The following COL19A1 variants were observed in gnomAD, a reference collection of about 807,000 sequenced individuals.
The protein encoded by COL19A1 is collagen type XIX alpha 1 chain.
COL19A1 carries 159 observed loss-of-function variants against 190.2 expected under a neutral mutation model. The observed-to-expected ratio is 0.84, with a 90% CI of 0.73 to 0.95. COL19A1 has a LOEUF of 0.95. Ranked by LOEUF, COL19A1 falls within the 40% of genes least tolerant of loss-of-function variation. The pLI is 0.00. For synonymous variants in COL19A1, 509 were observed against 458.9 expected (o/e 1.11, Z -1.39); for missense variants, 1,418 against 1,431.9 (o/e 0.99, Z 0.16).
chr6:70,074,757 C>T (rs1781779019), intron 15 of COL19A1, among the ~76,000 whole-genome samples: 1 of 152,082 alleles, frequency 6.6e-6, no homozygotes, highest in African/African-American at 2.4e-5. Context: ...CACATTATAA[C>T]AGGTGATATG....
chr6:70,154,673 A>T (rs1787326110), intron 31 of COL19A1, among the ~76,000 whole-genome samples: 1 of 152,212 alleles, frequency 6.6e-6, no homozygotes, highest in Non-Finnish European at 1.5e-5. Flanking sequence ...CCAGTAGCAG[A>T]TCAGTCCAAG....
chr6:69,929,155 T>TACACACACACACACACAC (rs141935825), intron 5 of COL19A1, among the ~76,000 whole-genome samples: 2 of 148,554 alleles, frequency 1.3e-5, no homozygotes, highest in East Asian at 2.0e-4. Flanking sequence ...TTAAAATAAC[T>TACACACACACACACACAC]ACACACACAC....
chr6:70,062,343 A>C (rs567467885), intron 14 of COL19A1, among the ~76,000 whole-genome samples: 6 of 152,248 alleles, frequency 3.9e-5, no homozygotes, highest in African/African-American at 1.4e-4. Context: ...TTACTTTTTT[A>C]TTCAAAATAA....
At chr6:69,997,528 C>T (rs1159470428) in intron 11 of COL19A1, among the ~76,000 whole-genome samples, 2 of 152,096 alleles carry the variant, frequency 1.3e-5, no homozygotes, top group African/African-American at 4.8e-5. Flanking sequence ...TACTCAATCT[C>T]AGTAGAGAAA....
chr6:70,033,084 C>T (rs780262398), intron 12 of COL19A1, among the ~76,000 whole-genome samples: 2 of 152,030 alleles, frequency 1.3e-5, no homozygotes, highest in Non-Finnish European at 2.9e-5. Flanking sequence ...GAGTTTTATA[C>T]GTGAAGGCAT....
chr6:70,081,103 C>T (rs1885338), intron 15 of COL19A1, among the ~76,000 whole-genome samples: 15,752 of 151,996 alleles, frequency 0.1, 1,062 homozygotes, highest in African/African-American at 0.2. Context: ...GACCTGAGTG[C>T]GTCTAATATA....
At chr6:70,000,711 G>GCACTT (rs1164853840) in intron 11 of COL19A1, among the ~76,000 whole-genome samples, 3 of 151,966 alleles carry the variant, frequency 2.0e-5, no homozygotes, top group African/African-American at 7.3e-5. Flanking sequence ...TTTTTGATGG[G>GCACTT]GTTGTTTGCT....
chr6:69,938,767 A>G (rs898691069), intron 9 of COL19A1, among the ~76,000 whole-genome samples: 1 of 152,060 alleles, frequency 6.6e-6, no homozygotes, highest in Non-Finnish European at 1.5e-5. Flanking sequence ...TCTAGGCTAT[A>G]TCCCATGCTT....
chr6:69,954,165 C>G (rs1266983330), intron 9 of COL19A1, among the ~76,000 whole-genome samples: 1 of 151,996 alleles, frequency 6.6e-6, no homozygotes, highest in Non-Finnish European at 1.5e-5. Context: ...AAAACACATG[C>G]ATTTTTTTCA....
At chr6:70,027,140 A>G (rs764330709) in intron 12 of COL19A1, among the ~76,000 whole-genome samples, 3 of 152,220 alleles carry the variant, frequency 2.0e-5, no homozygotes, top group African/African-American at 4.8e-5. Context: ...AAATAAACTC[A>G]GTGAGCCAGG....
chr6:69,946,443 C>A (rs1773809685), intron 9 of COL19A1, among the ~76,000 whole-genome samples: 1 of 152,074 alleles, frequency 6.6e-6, no homozygotes. Context: ...TTAGACTACT[C>A]AAAATTTGGT....
chr6:70,161,367 C>T (rs1017152184), intron 34 of COL19A1, among the ~76,000 whole-genome samples: 2 of 152,230 alleles, frequency 1.3e-5, no homozygotes, highest in African/African-American at 2.4e-5. Flanking sequence ...CTACTGCTGA[C>T]GGAGTGGCCC....
At position 69,921,523 on chromosome 6, in the gene COL19A1, T is replaced by TGTATATTC. The variant is rs1561998892; in HGVS notation, c.267-6386_267-6385insGTATATTC. Among the ~76,000 whole-genome samples, 44 of 124,000 alleles carry TGTATATTC rather than the reference T, an allele frequency of 3.5e-4. 1 individual carries two copies. Among genetic ancestry groups the TGTATATTC allele is most frequent in the African/African-American group, 1.1e-3 (37 of 34,528 alleles). 81.3% of individuals were successfully genotyped at this position (124,000 alleles called of 152,430 possible). ...TCATATATATTCATATGTATATTCATATATATTCATGTATATTCATATATA... is the reference window on the plus strand; with the variant it reads ...TCATATATATTCATATGTATATTCATGTATATTCATATATTCATGTATATTCATATATA... On this transcript the variant is annotated intron_variant, in intron 4 of 50. Transcript: ENST00000620364.
rs116716488 is a variant in COL19A1, at chr6:70,172,681, T to C, written c.2622+664T>C. ...GCATGTGATGGTAGAATTATCTTTG[T>C]TCATGATATGTTAGAAAATAAATAA... On this transcript the variant is annotated intron_variant, in intron 41 of 50. Coordinates refer to ENST00000620364, the MANE Select transcript of COL19A1 (RefSeq NM_001858.6). 2.7e-3 allele frequency among the ~76,000 whole-genome samples: 405 copies of C among 152,370 alleles called. 1 individual carries two copies. The highest frequency in any genetic ancestry group is 9.4e-3 in the African/African-American group (392 of 41,590).
intron 5 of COL19A1, 74 bp downstream of exon 5, chr6:69,928,106 C>A: frequency 6.4e-7 from 1 of 1,559,220 alleles, no homozygotes; most frequent in Non-Finnish European, 8.7e-7. Context: ...TGAACTGGTG[C>A]ACAAATTTGC....
chr6:70,095,230 A>G (rs1783175042), intron 15 of COL19A1, among the ~76,000 whole-genome samples: 1 of 152,202 alleles, frequency 6.6e-6, no homozygotes, highest in Non-Finnish European at 1.5e-5. Context: ...TATCAAATAT[A>G]TACTTTTCCA....
chr6:69,929,829 T>C (rs1207921445), intron 6 of COL19A1, 129 bp downstream of exon 6: 2 of 873,034 alleles, frequency 2.3e-6, no homozygotes, highest in Non-Finnish European at 3.3e-6. Context: ...ATTTAATTAA[T>C]TTGCCGTCAG....
At chr6:70,109,426 T>A (rs1245029979) in intron 16 of COL19A1, among the ~76,000 whole-genome samples, 1 of 152,026 alleles carries the variant, frequency 6.6e-6, no homozygotes, top group African/African-American at 2.4e-5. Context: ...AGAAAAGATT[T>A]GGGAGCTGAA....
chr6:70,110,166 A>T (rs1180112897), intron 16 of COL19A1, among the ~76,000 whole-genome samples: 1 of 152,198 alleles, frequency 6.6e-6, no homozygotes, highest in Non-Finnish European at 1.5e-5. Context: ...ACATTTGATC[A>T]CTTGTTAAAA....
Sources: allele counts gnomAD v4.1 joint callset (sites outside exome capture counted in the v4.1 genomes callset), GRCh38; gene constraint gnomAD v4.1.1; transcripts MANE v1.5; gene names NCBI Gene and HGNC (gene_info 2026-07-23, HGNC 2026-07-21).